ITGA2: variants seen among roughly 807,000 people sequenced by gnomAD.
The protein encoded by ITGA2 is integrin alpha-2.
In ITGA2, 101 loss-of-function variants were observed where a neutral mutation model predicts 146.3. The observed-to-expected ratio is 0.69, with a 90% CI of 0.59 to 0.81. The LOEUF (loss-of-function observed/expected upper bound fraction) is 0.81. ITGA2 is among the 40% of genes least tolerant of loss of function. The pLI is 0.00. For missense variants in ITGA2, 1,281 were observed against 1,402.7 expected, an observed-to-expected ratio of 0.91 and a Z score of 1.39; for synonymous variants, 477 against 487.1, an observed-to-expected ratio of 0.98 and a Z score of 0.27.
rs1745077340 is a variant in ITGA2 at position 53,064,981 on chromosome 5, A to G, written c.1672A>G (p.Ile558Val). 1.2e-6 allele frequency: 2 copies of G among 1,612,964 alleles called. No individual in the cohort carries two copies. The highest frequency in any genetic ancestry group is 1.1e-5 in the South Asian group (1 of 91,074). ...TGAAAACACTCGATTTGGTTCAGCA[A>G]TTGCAGCTCTTTCAGACATCAACAT... ...GIENTRFGSA[I>V]AALSDINMDG... Residue 558 changes from isoleucine to valine, a missense_variant, in exon 14 of 30, where the codon ATT (isoleucine) becomes GTT (valine). This residue lies in a region of ITGA2 where 795 missense variants were observed against 841.7 expected (regional missense o/e 0.94). Transcript: ENST00000296585.
At chr5:53,068,366 G>A (rs1745238018) in intron 16 of ITGA2, among the ~76,000 whole-genome samples, 1 of 151,902 alleles carries the variant, frequency 6.6e-6, no homozygotes, top group Admixed American at 6.6e-5. Context: ...TGATAGTTAA[G>A]TCAAAAACCG....
intron 2 of ITGA2, among the ~76,000 whole-genome samples, chr5:53,033,574 T>C (rs1206238310): frequency 6.6e-6 from 1 of 152,026 alleles, no homozygotes; most frequent in African/African-American, 2.4e-5. Context: ...AGAGTTTGCT[T>C]ATATCTTATT....
intron 29 of ITGA2, among the ~76,000 whole-genome samples, chr5:53,090,280 T>G (rs572136338): frequency 6.6e-6 from 1 of 152,356 alleles, no homozygotes; most frequent in East Asian, 1.9e-4. Flanking sequence ...CTGAATGTTT[T>G]GTTCAGCTTC....
At chr5:53,068,058 G>A (rs532400063) in intron 16 of ITGA2, among the ~76,000 whole-genome samples, 6 of 151,936 alleles carry the variant, frequency 3.9e-5, no homozygotes, top group South Asian at 4.2e-4. Flanking sequence ...TTCCCATTCC[G>A]TCAGAATTTG....
intron 12 of ITGA2, among the ~76,000 whole-genome samples, chr5:53,061,406 C>A (rs183254255): frequency 5.9e-5 from 9 of 151,996 alleles, no homozygotes; most frequent in Admixed American, 5.9e-4. Flanking sequence ...GTTGTGATGG[C>A]AGGCATGTAA....
chr5:53,048,373 C>T lies in ITGA2; in HGVS notation c.398C>T (p.Pro133Leu), dbSNP rs1744191824. 6.2e-7 allele frequency: 1 copy of T among 1,613,530 alleles called. No homozygotes were observed. Among genetic ancestry groups the T allele is most frequent in the South Asian group, 1.1e-5 (1 of 91,086 alleles). ...CTCATTTCTTTGAAGACATGTGGTC[C>T]TCTGTGGGCACAGCAATGTGGGAAT... Reference protein sequence around the residue: ...MGTGGFLTCGPLWAQQCGNQY... With the variant: ...MGTGGFLTCGLLWAQQCGNQY... Residue 133 changes from proline (P) to leucine (L), a missense_variant, in exon 5 of 30, where the codon CCT (proline) becomes CTT (leucine). Physicochemically the swap from Pro to Leu is moderately conservative, Grantham distance 98. This residue lies in a region of ITGA2 where 795 missense variants were observed against 841.7 expected (regional missense o/e 0.94). Transcript: ENST00000296585.
chr5:53,038,401 G>A (rs1743601374), intron 2 of ITGA2, among the ~76,000 whole-genome samples: 1 of 152,136 alleles, frequency 6.6e-6, no homozygotes, highest in African/African-American at 2.4e-5. Context: ...GGTGTTGTCT[G>A]AACATGCCTT....
intron 2 of ITGA2, among the ~76,000 whole-genome samples, chr5:53,028,094 G>GA (rs901204768): frequency 2.6e-5 from 4 of 151,844 alleles, no homozygotes; most frequent in South Asian, 4.2e-4. Context: ...AAAAAAAGAG[G>GA]AAAAAACCGT....
At chr5:53,038,030 T>TCA (rs1743573510) in intron 2 of ITGA2, among the ~76,000 whole-genome samples, 1 of 152,126 alleles carries the variant, frequency 6.6e-6, no homozygotes, top group Admixed American at 6.6e-5. Context: ...ACAGAGGTGG[T>TCA]CATGATGTTA....
At chr5:53,023,910 T>C (rs2111801680) in intron 1 of ITGA2, among the ~76,000 whole-genome samples, 1 of 152,252 alleles carries the variant, frequency 6.6e-6, no homozygotes, top group Admixed American at 6.5e-5. Context: ...GTATAGAGAA[T>C]TGAGATTGTC....
At chr5:53,019,796 G>A (rs1742585182) in intron 1 of ITGA2, among the ~76,000 whole-genome samples, 1 of 152,114 alleles carries the variant, frequency 6.6e-6, no homozygotes, top group Non-Finnish European at 1.5e-5. Flanking sequence ...AAAGTACTGG[G>A]ATTACAGGCG....
intron 9 of ITGA2, 36 bp from the exon 10 acceptor site, chr5:53,057,989 T>A: frequency 6.8e-7 from 1 of 1,481,462 alleles, no homozygotes; most frequent in South Asian, 1.1e-5. Context: ...TTAAAATTAC[T>A]GACAGTAATA....
chr5:53,017,880 A>G (rs935589751), intron 1 of ITGA2, among the ~76,000 whole-genome samples: 1 of 152,092 alleles, frequency 6.6e-6, no homozygotes, highest in African/African-American at 2.4e-5. Context: ...GGGTAAGCGC[A>G]TGCTGGCAAA....
intron 27 of ITGA2, among the ~76,000 whole-genome samples, chr5:53,084,439 C>T (rs2112034497): frequency 6.6e-6 from 1 of 152,154 alleles, no homozygotes. Flanking sequence ...GAACTCAGCA[C>T]CCTCCAAACT....
chr5:53,048,746 G>A lies in ITGA2; in HGVS notation c.606G>A (p.Leu202=), dbSNP rs3181776. 1 of 1,613,876 alleles carries A rather than the reference G, an allele frequency of 6.2e-7. No homozygotes were observed. The highest frequency in any genetic ancestry group is 2.2e-5 in the East Asian group (1 of 44,848). ...KNFLEKFVQG[L]DIGPTKTQVG... ...TTTTGGAAAAATTTGTACAAGGCCT[G>A]GATATAGGCCCCACAAAGACACAGG... The change falls in exon 6 of 30, where the codon CTG becomes CTA. Residue 202 remains leucine, a synonymous_variant. Coordinates refer to ENST00000296585, the MANE Select transcript of ITGA2 (RefSeq NM_002203.4).
At chr5:53,068,551 A>T (rs1256650208) in intron 16 of ITGA2, among the ~76,000 whole-genome samples, 2 of 151,860 alleles carry the variant, frequency 1.3e-5, no homozygotes, top group African/African-American at 4.8e-5. Context: ...CAAAAATTCT[A>T]CTTTCAGAGA....
At chr5:53,045,978 G>C (rs1238038277) in intron 4 of ITGA2, among the ~76,000 whole-genome samples, 1 of 151,764 alleles carries the variant, frequency 6.6e-6, no homozygotes, top group Admixed American at 6.6e-5. Flanking sequence ...ATCACATGTG[G>C]TCAGGATTTC....
In ITGA2 at chr5:53,067,236, A is replaced by C. The variant is rs753137353; in HGVS notation, c.2062A>C (p.Thr688Pro). The C allele has an allele frequency of 3.1e-6, 5 of 1,611,654 alleles. No individual in the cohort carries two copies. In the Admixed American group the frequency reaches 8.4e-5, roughly 27 times the overall value. ...CTGCTTCAGTGCAAAGTTCAGACCT[A>C]CTAAGCAAAACAATCAAGTGGGTGC... The part of the protein sequence containing the change: ...KLCFSAKFRP[T>P]KQNNQVAIVY... The change falls in exon 16 of 30, where the codon ACT becomes CCT. Residue 688 changes from threonine to proline, a missense_variant. This residue lies in a region of ITGA2 where 795 missense variants were observed against 841.7 expected (regional missense o/e 0.94). Transcript: ENST00000296585.
intron 2 of ITGA2, among the ~76,000 whole-genome samples, chr5:53,033,038 C>T (rs767307607): frequency 6.6e-6 from 1 of 152,036 alleles, no homozygotes; most frequent in Non-Finnish European, 1.5e-5. Context: ...GAGGCCAAGG[C>T]GGGCGGATCA....
Sources: allele counts gnomAD v4.1 joint callset (sites outside exome capture counted in the v4.1 genomes callset), GRCh38; gene constraint gnomAD v4.1.1; regional missense constraint gnomAD v4.1.1; transcripts MANE v1.5; gene names NCBI Gene and HGNC (gene_info 2026-07-23, HGNC 2026-07-21).